Variants in REXO5 observed in about 807,000 individuals in gnomAD.
REXO5 encodes the protein RNA exonuclease 5, also known as exonuclease NEF-sp.
REXO5 carries 48 observed loss-of-function variants against 88.5 expected under a neutral mutation model. The observed-to-expected ratio is 0.54, with a 90% CI of 0.43 to 0.69. REXO5 has a LOEUF of 0.69. REXO5 is among the 30% of genes least tolerant of loss of function. The probability of loss-of-function intolerance (pLI) is 0.00; values close to 1 mark genes in which losing one functional copy is unlikely to be tolerated. For missense variants in REXO5, 749 were observed against 912.2 expected (o/e 0.82, Z 2.30); for synonymous variants, 311 against 336.5 (o/e 0.92, Z 0.83).
At chr16:20,813,381 A>G (rs1357570192) in intron 3 of REXO5, 79 bp downstream of exon 3, 2 of 803,992 alleles carry the variant, frequency 2.5e-6, no homozygotes, top group Non-Finnish European at 3.8e-6. Context: ...CCCAAGCTCC[A>G]TCATTCAAAC....
intron 13 of REXO5, among the ~76,000 whole-genome samples, chr16:20,838,398 T>A (rs1222558512): frequency 6.6e-6 from 1 of 152,234 alleles, no homozygotes; most frequent in Non-Finnish European, 1.5e-5. Context: ...AAACTTGGGC[T>A]ATGTTTCTTT....
At position 20,839,292 on chromosome 16, in the gene REXO5, A is replaced by G. The variant is rs536980505; in HGVS notation, c.1384-463A>G. Among the ~76,000 whole-genome samples the G allele has an allele frequency of 4.8e-4, 73 of 151,816 alleles. 1 individual carries two copies. The highest frequency in any genetic ancestry group is 1.7e-3 in the African/African-American group (70 of 41,366). On this transcript the variant is annotated intron_variant, in intron 13 of 19. Transcript: ENST00000261377. ...CTGAGAACTGTCAAAATCATGACCC[A>G]TGTTCCTTATTTGACATTTAATTGG...
intron 2 of REXO5, among the ~76,000 whole-genome samples, chr16:20,812,340 G>A (rs946380921): frequency 1.3e-5 from 2 of 151,914 alleles, no homozygotes; most frequent in African/African-American, 4.8e-5. Flanking sequence ...TGGGCAACAT[G>A]GTAAAAACTC....
intron 19 of REXO5, among the ~76,000 whole-genome samples, chr16:20,846,721 C>G (rs2081612733): frequency 6.6e-6 from 1 of 152,146 alleles, no homozygotes; most frequent in Non-Finnish European, 1.5e-5. Flanking sequence ...TACCCTTTTC[C>G]CCATTGACAC....
At chr16:20,813,364 T>TA (rs1555490640) in intron 3 of REXO5, 62 bp downstream of exon 3, 23 of 820,494 alleles carry the variant, frequency 2.8e-5, no homozygotes, top group African/African-American at 1.3e-4. Context: ...TTTTTTTTTT[T>TA]ACCTCTCCCA....
intron 15 of REXO5, among the ~76,000 whole-genome samples, chr16:20,841,118 G>T (rs919320156): frequency 6.6e-6 from 1 of 152,022 alleles, no homozygotes; most frequent in Non-Finnish European, 1.5e-5. Flanking sequence ...TAAGTTTTTG[G>T]TATTGTAGGT....
chr16:20,820,428 GT>G (rs1379285570), intron 5 of REXO5, among the ~76,000 whole-genome samples: 2 of 143,506 alleles, frequency 1.4e-5, no homozygotes, highest in Admixed American at 1.4e-4. Context: ...AGTGCCCCTA[GT>G]AAAAAGATTT....
intron 5 of REXO5, among the ~76,000 whole-genome samples, chr16:20,817,716 C>T (rs1209417518): frequency 1.3e-5 from 2 of 152,122 alleles, no homozygotes. Context: ...ATCAGAGTCC[C>T]CAAGGCATAG....
chr16:20,819,958 G>A (rs983023599), intron 5 of REXO5, among the ~76,000 whole-genome samples: 3 of 152,164 alleles, frequency 2.0e-5, no homozygotes, highest in South Asian at 2.1e-4. Context: ...GTCTTGCTCC[G>A]TTGCCTAGGG....
rs776530701 is a variant in REXO5 at position 20,813,348 on chromosome 16, T to TTTC, written c.251+48_251+49insCTT. On this transcript the variant is annotated intron_variant, in intron 3 of 19. Coordinates refer to ENST00000261377, the MANE Select transcript of REXO5 (RefSeq NM_030941.3). ...GTGGGTATTGACCAGCGGTTTCTTT[T>TTTC]TTTTTTTTTTTTTTTTACCTCTCCC... 4.7e-4 allele frequency: 289 copies of TTTC among 620,844 alleles called. 3 individuals are homozygous for TTTC. Among genetic ancestry groups the TTTC allele is most frequent in the East Asian group, 7.5e-4 (19 of 25,330 alleles). 38.5% of individuals were successfully genotyped at this position (620,844 alleles called of 1,614,324 possible).
chr16:20,845,854 A>G (rs2081598646), intron 18 of REXO5, among the ~76,000 whole-genome samples: 2 of 152,112 alleles, frequency 1.3e-5, no homozygotes, highest in Non-Finnish European at 2.9e-5. Context: ...CTCATACTTA[A>G]CAGATGAAAA....
At chr16:20,807,677 G>C (rs2080916388) in intron 2 of REXO5, among the ~76,000 whole-genome samples, 3 of 149,994 alleles carry the variant, frequency 2.0e-5, no homozygotes, top group Admixed American at 1.3e-4. Flanking sequence ...CAAGGCGGGA[G>C]CATCATTTGA....
At chr16:20,848,815 AC>A (rs2081650176) in intron 19 of REXO5, among the ~76,000 whole-genome samples, 1 of 152,220 alleles carries the variant, frequency 6.6e-6, no homozygotes, top group Non-Finnish European at 1.5e-5. Context: ...ACTTTTTTAA[AC>A]AGCCTCTGGC....
At chr16:20,807,433 A>C in intron 2 of REXO5, 1 of 270,710 alleles carries the variant, frequency 3.7e-6, no homozygotes. Flanking sequence ...CACACACAAA[A>C]TTAGCCAGGC....
At chr16:20,810,073 G>A (rs1267248744) in intron 2 of REXO5, among the ~76,000 whole-genome samples, 4 of 152,062 alleles carry the variant, frequency 2.6e-5, no homozygotes, top group African/African-American at 9.7e-5. Context: ...TTACTTTCTG[G>A]CACAAGAAGA....
chr16:20,819,895 C>T (rs1706784145), intron 5 of REXO5, among the ~76,000 whole-genome samples: 1 of 152,144 alleles, frequency 6.6e-6, no homozygotes, highest in Non-Finnish European at 1.5e-5. Flanking sequence ...GTAGCTAAGA[C>T]TTGCAGTTAT....
In REXO5 at chr16:20,844,087, A is replaced by G. The variant is rs137874998; in HGVS notation, c.1719+61A>G. 3.5e-4 allele frequency: 356 copies of G among 1,008,178 alleles called. 1 individual carries two copies. The African/African-American group carries it at 4.5e-3, about 13-fold the overall frequency. The allele number at this position is 1,008,178 out of a possible 1,614,324, so 62.5% of individuals were successfully genotyped here. A position where few individuals can be genotyped will look rare whatever the true frequency, so the allele number is the denominator to read the frequency against. ...CTGGCCTACCACAGCCTGTATTTAT[A>G]GTGCCCCAGGACATATAGGAAACAC... is the stretch of plus-strand genomic sequence containing the variant. On this transcript the variant is annotated intron_variant, in intron 16 of 19. Transcript: ENST00000261377.
chr16:20,846,692 AATGTGTTCC>A lies in REXO5; in HGVS notation c.2243+354_2243+362del, dbSNP rs1459614329. ...AGGTGTAACCACTCTACATGTGAGGAATGTGTTCCTGCCTTCTGTACCCTTTTCCCCATT... is the reference window on the plus strand; with the variant it reads ...AGGTGTAACCACTCTACATGTGAGGATGCCTTCTGTACCCTTTTCCCCATT... On this transcript the variant is annotated intron_variant, in intron 19 of 19. Transcript: ENST00000261377. Among the ~76,000 whole-genome samples the A allele has an allele frequency of 2.0e-5, 3 of 152,178 alleles. No individual in the cohort carries two copies. In the East Asian group the frequency reaches 5.8e-4, roughly 29 times the overall value.
In REXO5 at chr16:20,845,257, C is replaced by G. The variant is rs780583999; in HGVS notation, c.2124+16C>G. 4 of 1,607,092 alleles carry G rather than the reference C, an allele frequency of 2.5e-6. No homozygotes were observed. The highest frequency in any genetic ancestry group is 3.4e-6 in the Non-Finnish European group (4 of 1,176,342). ...GGCCTTGCAGGTGAGTGAGTGAAGG[C>G]GTCTTGGAGAAGATGTCAGGAGAGT... On this transcript the variant is annotated intron_variant, in intron 18 of 19. Transcript: ENST00000261377.
Sources: allele counts gnomAD v4.1 joint callset (sites outside exome capture counted in the v4.1 genomes callset), GRCh38; gene constraint gnomAD v4.1.1; transcripts MANE v1.5; gene names NCBI Gene and HGNC (gene_info 2026-07-23, HGNC 2026-07-21).